POLN: variants seen among roughly 807,000 people sequenced by gnomAD.
POLN encodes the protein DNA polymerase N.
In POLN, 108 loss-of-function variants were observed where a neutral mutation model predicts 113.5. The observed-to-expected ratio is 0.95, with a 90% CI of 0.81 to 1.12. POLN has a LOEUF of 1.12. POLN is among the 50% of genes most tolerant of loss of function. POLN has a pLI of 0.00. For synonymous variants in POLN, 386 were observed against 391.5 expected, an observed-to-expected ratio of 0.99 and a Z score of 0.17; for missense variants, 1,097 against 1,077.1, an observed-to-expected ratio of 1.02 and a Z score of -0.26.
At chr4:2,184,739 G>A (rs533560541) in intron 7 of POLN, among the ~76,000 whole-genome samples, 15 of 152,230 alleles carry the variant, frequency 9.9e-5, no homozygotes, top group African/African-American at 3.4e-4. Flanking sequence ...AAGATGACCT[G>A]GAAACATCCT....
At chr4:2,099,144 C>T (rs542776222) in intron 19 of POLN, among the ~76,000 whole-genome samples, 2 of 152,346 alleles carry the variant, frequency 1.3e-5, no homozygotes, top group African/African-American at 4.8e-5. Flanking sequence ...ATCTCCCACA[C>T]AGAAGAAATC....
At chr4:2,210,005 C>T (rs1388646888) in intron 4 of POLN, among the ~76,000 whole-genome samples, 1 of 137,740 alleles carries the variant, frequency 7.3e-6, no homozygotes, top group African/African-American at 3.0e-5. Context: ...TATAAATTTA[C>T]TTTATATATA....
intron 4 of POLN, among the ~76,000 whole-genome samples, chr4:2,212,705 T>G (rs1054352590): frequency 6.6e-6 from 1 of 152,078 alleles, no homozygotes; most frequent in South Asian, 2.1e-4. Flanking sequence ...CACCTCCTAA[T>G]TATCCAATAG....
rs987668365 is a variant in POLN, at chr4:2,105,792, C to T, written c.1983-9859G>A. Among the ~76,000 whole-genome samples, 4 of 146,912 alleles carry T rather than the reference C, an allele frequency of 2.7e-5. No individual in the cohort carries two copies. In the South Asian group the frequency reaches 6.9e-4, roughly 25 times the overall value. The stretch of plus-strand genomic sequence containing the variant: ...ACAAGTCTGTCCAGGAGCCCACTCT[C>T]CCAGACAAATAGTGATGATGATGAT... On this transcript the variant is annotated intron_variant, in intron 19 of 25. Coordinates refer to ENST00000511885, the MANE Select transcript of POLN (RefSeq NM_181808.4).
intron 2 of POLN, chr4:2,236,556 G>A (rs941729527): frequency 3.2e-5 from 25 of 777,642 alleles, no homozygotes; most frequent in African/African-American, 1.2e-4. Flanking sequence ...GGATAGCTAA[G>A]TAACAACTTA....
chr4:2,177,298 TC>T, intron 8 of POLN: 1 of 484,692 alleles, frequency 2.1e-6, no homozygotes, highest in Non-Finnish European at 4.1e-6. Context: ...TGCCTCCTTC[TC>T]CCCAGGTTGG....
intron 2 of POLN, 53 bp from the exon 3 acceptor site, chr4:2,229,296 A>C (rs1303058240): frequency 7.3e-7 from 1 of 1,362,634 alleles, no homozygotes; most frequent in African/African-American, 1.5e-5. Context: ...CTAAGACTAT[A>C]AAACAGGAAA....
At chr4:2,173,513 C>A (rs911934381) in intron 11 of POLN, among the ~76,000 whole-genome samples, 6 of 152,048 alleles carry the variant, frequency 3.9e-5, no homozygotes, top group Admixed American at 1.3e-4. Flanking sequence ...TTTGCCCCGC[C>A]CCGCCACTGC....
At chr4:2,141,922 G>A (rs1360115059) in intron 16 of POLN, among the ~76,000 whole-genome samples, 1 of 152,188 alleles carries the variant, frequency 6.6e-6, no homozygotes, top group African/African-American at 2.4e-5. Context: ...CTAACCCAGA[G>A]GGGCCAGAGG....
At chr4:2,105,711 T>C (rs1731048667) in intron 19 of POLN, among the ~76,000 whole-genome samples, 1 of 151,968 alleles carries the variant, frequency 6.6e-6, no homozygotes, top group Admixed American at 6.6e-5. Flanking sequence ...GTACACAGAA[T>C]GGTCAAGCAT....
chr4:2,137,074 C>T (rs564769831), intron 16 of POLN, among the ~76,000 whole-genome samples: 5 of 152,322 alleles, frequency 3.3e-5, no homozygotes, highest in East Asian at 1.9e-4. Flanking sequence ...GCGTTTTCAC[C>T]GTGTCCCCAG....
intron 16 of POLN, among the ~76,000 whole-genome samples, chr4:2,149,162 T>C (rs1204205108): frequency 6.6e-6 from 1 of 151,652 alleles, no homozygotes; most frequent in Non-Finnish European, 1.5e-5. Flanking sequence ...AGCGCAGTGG[T>C]ATGCGCCTGT....
intron 4 of POLN, 95 bp downstream of exon 4, chr4:2,212,952 A>G: frequency 1.4e-6 from 1 of 698,452 alleles, no homozygotes; most frequent in Non-Finnish European, 2.1e-6. Flanking sequence ...AAGGTGTGGT[A>G]TCTACAGTGC....
chr4:2,078,152 T>C lies in POLN; in HGVS notation c.2388-2633A>G, dbSNP rs1169232169. Among the ~76,000 whole-genome samples, 3 of 152,342 alleles carry C rather than the reference T, an allele frequency of 2.0e-5. No homozygotes were observed. The East Asian group carries it at 5.8e-4, about 29-fold the overall frequency. On this transcript the variant is annotated intron_variant, in intron 23 of 25. Transcript: ENST00000511885. ...TGAGTGTGGGCGCATGGTGGCCTCA[T>C]GCAGACCCGCCTTGAGAAGGCCCAG...
intron 10 of POLN, 42 bp downstream of exon 10, chr4:2,174,649 C>A: frequency 1.3e-6 from 2 of 1,493,348 alleles, no homozygotes; most frequent in Non-Finnish European, 1.9e-6. Flanking sequence ...TATGAAGAAC[C>A]CTCTAGAAAA....
At chr4:2,098,263 T>C (rs573101117) in intron 19 of POLN, among the ~76,000 whole-genome samples, 1 of 151,624 alleles carries the variant, frequency 6.6e-6, no homozygotes, top group African/African-American at 2.4e-5. Flanking sequence ...AAATGAAAAA[T>C]AAAAAATTAG....
intron 16 of POLN, among the ~76,000 whole-genome samples, chr4:2,132,812 C>T (rs1731758700): frequency 6.6e-6 from 1 of 152,202 alleles, no homozygotes; most frequent in Non-Finnish European, 1.5e-5. Context: ...CATCTGCAGA[C>T]CTGCTCTAAA....
At position 2,105,983 on chromosome 4, in the gene POLN, A is replaced by G. The variant is rs372992192; in HGVS notation, c.1983-10050T>C. On this transcript the variant is annotated intron_variant, in intron 19 of 25. Transcript: ENST00000511885. ...CCTTCTTAAGATGCCCTGGAAGAAGAAAACCTGTTCTGTGCTGCTCACTTC... is the reference window on the plus strand; with the variant it reads ...CCTTCTTAAGATGCCCTGGAAGAAGGAAACCTGTTCTGTGCTGCTCACTTC... 5.6e-4 allele frequency among the ~76,000 whole-genome samples: 86 copies of G among 152,264 alleles called. 1 individual carries two copies. Among genetic ancestry groups the G allele is most frequent in the Middle Eastern group, 3.4e-3 (1 of 294 alleles).
At chr4:2,166,745 A>G (rs1732738155) in intron 13 of POLN, among the ~76,000 whole-genome samples, 1 of 152,118 alleles carries the variant, frequency 6.6e-6, no homozygotes, top group Non-Finnish European at 1.5e-5. Flanking sequence ...ACTCTAGTAC[A>G]CACACTGGCG....
Sources: gnomAD v4.1 joint callset for allele counts (sites outside exome capture counted in the v4.1 genomes callset) on GRCh38, gnomAD v4.1.1 for gene constraint, MANE v1.5 for transcripts, NCBI Gene and HGNC (gene_info 2026-07-23, HGNC 2026-07-21) for gene names.